The following TUSC3 variants were observed in gnomAD, a reference collection of about 807,000 sequenced individuals.
TUSC3 encodes tumor suppressor candidate 3.
A neutral mutation model predicts 44.8 loss-of-function variants in TUSC3; 45 were observed. That is an observed-to-expected ratio of 1.00 (90% confidence interval 0.79 to 1.29). The LOEUF (loss-of-function observed/expected upper bound fraction) is 1.29, where lower values mean the gene tolerates loss of function less well. Among genes scored for constraint, TUSC3 ranks in the 50% most tolerant of loss-of-function variants. The pLI, the probability that TUSC3 is intolerant of heterozygous loss-of-function variation, is 0.00. For synonymous variants in TUSC3, 212 were observed against 152.9 expected, an observed-to-expected ratio of 1.39 and a Z score of -2.85; for missense variants, 519 against 437.9, an observed-to-expected ratio of 1.19 and a Z score of -1.65.
intron 2 of TUSC3, among the ~76,000 whole-genome samples, chr8:15,486,131 C>T (rs1047590554): frequency 3.3e-5 from 5 of 152,250 alleles, no homozygotes; most frequent in African/African-American, 1.2e-4. Flanking sequence ...AACAGATGCA[C>T]AGTGACCAAT....
At chr8:15,832,561 C>T in the TUSC3 span, among the ~76,000 whole-genome samples, 1 of 152,122 alleles carries the variant, frequency 6.6e-6, no homozygotes, top group African/African-American at 2.4e-5. Flanking sequence ...ATGACACCAA[C>T]AGGCTCAAAA....
chr8:15,428,378 AT>A (rs879055655), intron 1 of TUSC3, among the ~76,000 whole-genome samples: 4 of 151,842 alleles, frequency 2.6e-5, no homozygotes, highest in African/African-American at 9.7e-5. Flanking sequence ...ATTGTTGGAC[AT>A]TTGGGTTGGT....
At chr8:15,419,368 A>G (rs1799695944) in intron 1 of TUSC3, among the ~76,000 whole-genome samples, 1 of 152,222 alleles carries the variant, frequency 6.6e-6, no homozygotes, top group African/African-American at 2.4e-5. Context: ...GTCTAGAAAG[A>G]CATTTGAGTT....
chr8:15,829,822 G>C, the TUSC3 span, among the ~76,000 whole-genome samples: 16 of 152,014 alleles, frequency 1.1e-4, no homozygotes, highest in African/African-American at 3.9e-4. Context: ...CCCAGTAGTG[G>C]GGAGGCTGGG....
At chr8:15,584,606 G>A (rs1266608917) in intron 1 of TUSC3, among the ~76,000 whole-genome samples, 1 of 152,092 alleles carries the variant, frequency 6.6e-6, no homozygotes, top group Non-Finnish European at 1.5e-5. Flanking sequence ...AATGGTAAAG[G>A]CTTCCTAGGT....
At chr8:15,838,583 A>G in the TUSC3 span, among the ~76,000 whole-genome samples, 1 of 152,274 alleles carries the variant, frequency 6.6e-6, no homozygotes, top group East Asian at 1.9e-4. Context: ...GGAGCTAGCC[A>G]GTTTTCGCAG....
At chr8:15,606,383 G>C (rs1404724264) in intron 1 of TUSC3, among the ~76,000 whole-genome samples, 1 of 151,970 alleles carries the variant, frequency 6.6e-6, no homozygotes. Flanking sequence ...CTATGTTATT[G>C]GTAAGGCTTC....
At chr8:15,791,542 G>A in the TUSC3 span, among the ~76,000 whole-genome samples, 2 of 152,024 alleles carry the variant, frequency 1.3e-5, no homozygotes, top group African/African-American at 2.4e-5. Flanking sequence ...CCACTGTTTC[G>A]AGAGATACTG....
At chr8:15,470,388 T>C (rs1004577661) in intron 1 of TUSC3, among the ~76,000 whole-genome samples, 9 of 152,168 alleles carry the variant, frequency 5.9e-5, no homozygotes, top group Non-Finnish European at 1.2e-4. Context: ...CCTTATACAT[T>C]GTCATTAAGT....
At chr8:15,453,223 T>A (rs570456971) in intron 1 of TUSC3, among the ~76,000 whole-genome samples, 1 of 149,296 alleles carries the variant, frequency 6.7e-6, no homozygotes, top group South Asian at 2.2e-4. Flanking sequence ...TGACTTCACA[T>A]TAGCGTGGTA....
At chr8:15,659,380 C>A (rs1255816494) in intron 3 of TUSC3, 127 bp from the exon 4 acceptor site, 2 of 1,187,412 alleles carry the variant, frequency 1.7e-6, no homozygotes, top group African/African-American at 1.5e-5. Context: ...AGAAATTTAC[C>A]TCTGGAAAAC....
the TUSC3 span, among the ~76,000 whole-genome samples, chr8:15,827,000 T>C: frequency 6.6e-6 from 1 of 152,168 alleles, no homozygotes; most frequent in Non-Finnish European, 1.5e-5. Flanking sequence ...AGAGTTCTGT[T>C]ATAATATATG....
At chr8:15,556,887 G>A (rs1219953616) in intron 1 of TUSC3, among the ~76,000 whole-genome samples, 3 of 145,924 alleles carry the variant, frequency 2.1e-5, no homozygotes, top group East Asian at 2.1e-4. Context: ...TGAGTTCATT[G>A]TAGATTCTGG....
chr8:15,672,680 A>G (rs1041581705), intron 5 of TUSC3, among the ~76,000 whole-genome samples: 1 of 152,076 alleles, frequency 6.6e-6, no homozygotes, highest in Non-Finnish European at 1.5e-5. Context: ...AGTTGGTTAC[A>G]TATTTTTATA....
At chr8:15,769,214 G>A (rs1812399931), downstream of TUSC3, among the ~76,000 whole-genome samples, 1 of 152,116 alleles carries the variant, frequency 6.6e-6, no homozygotes. Flanking sequence ...GCATGGTACT[G>A]GTATGAAAAC....
At chr8:15,847,316 C>T in the TUSC3 span, among the ~76,000 whole-genome samples, 1 of 152,184 alleles carries the variant, frequency 6.6e-6, no homozygotes. Flanking sequence ...GTTAATTTCT[C>T]TTTAATTGCT....
chr8:15,606,300 A>G (rs1426846743), intron 1 of TUSC3, among the ~76,000 whole-genome samples: 1 of 152,084 alleles, frequency 6.6e-6, no homozygotes, highest in Non-Finnish European at 1.5e-5. Flanking sequence ...TGATTTCTAA[A>G]TAACATTTTC....
chr8:15,450,611 G>A (rs1800185322), intron 1 of TUSC3, among the ~76,000 whole-genome samples: 1 of 152,062 alleles, frequency 6.6e-6, no homozygotes, highest in Admixed American at 6.6e-5. Context: ...CAGAGGTTAC[G>A]GTGAGCCAAG....
intron 1 of TUSC3, among the ~76,000 whole-genome samples, chr8:15,542,792 T>C (rs1270805475): frequency 6.6e-6 from 1 of 152,252 alleles, no homozygotes; most frequent in African/African-American, 2.4e-5. Context: ...TTAGTTTTAT[T>C]TCTCCTAAGT....
Sources: allele counts gnomAD v4.1 joint callset (sites outside exome capture counted in the v4.1 genomes callset), GRCh38; gene constraint gnomAD v4.1.1; transcripts MANE v1.5; gene names NCBI Gene and HGNC (gene_info 2026-07-23, HGNC 2026-07-21).